Variants in DPP10 observed in about 807,000 individuals in gnomAD.
DPP10 encodes the protein inactive dipeptidyl peptidase 10.
Under a neutral mutation model 120.9 loss-of-function variants are expected in DPP10, and 33 were observed. The observed-to-expected ratio is 0.27, with a 90% CI of 0.21 to 0.37. DPP10 has a LOEUF of 0.37. Among genes scored for constraint, DPP10 ranks in the 10% least tolerant of loss-of-function variants. The probability of loss-of-function intolerance (pLI) is 1.00; values close to 1 mark genes in which losing one functional copy is unlikely to be tolerated. For synonymous variants in DPP10, 337 were observed against 326.1 expected, an observed-to-expected ratio of 1.03 and a Z score of -0.36; for missense variants, 816 against 942.8, an observed-to-expected ratio of 0.87 and a Z score of 1.76.
At chr2:115,840,848 T>G (rs1214546093) in intron 25 of DPP10, 25 bp downstream of exon 25, 1 of 1,597,136 alleles carries the variant, frequency 6.3e-7, no homozygotes, top group Admixed American at 1.7e-5. Flanking sequence ...TAGAAGAACG[T>G]GTTTTCCTGC....
intron 1 of DPP10, among the ~76,000 whole-genome samples, chr2:114,537,841 A>T (rs1686635851): frequency 6.6e-6 from 1 of 152,214 alleles, no homozygotes. Context: ...TTTCTGTCAC[A>T]TAAATGGATT....
intron 5 of DPP10, among the ~76,000 whole-genome samples, chr2:115,550,498 G>A (rs2079808292): frequency 6.6e-6 from 1 of 152,224 alleles, no homozygotes; most frequent in South Asian, 2.1e-4. Context: ...AACAGATGAA[G>A]TCTCCAGTGC....
chr2:115,034,189 C>T (rs1350440092), intron 1 of DPP10, among the ~76,000 whole-genome samples: 2 of 152,042 alleles, frequency 1.3e-5, no homozygotes, highest in South Asian at 2.1e-4. Context: ...GCCACTGCTC[C>T]CGGCCTGGCC....
chr2:115,485,610 C>T (rs1389274994), intron 3 of DPP10, among the ~76,000 whole-genome samples: 1 of 151,944 alleles, frequency 6.6e-6, no homozygotes, highest in Non-Finnish European at 1.5e-5. Context: ...TAATTATATA[C>T]TTGGATTACA....
chr2:115,601,816 G>T (rs1472830501), intron 5 of DPP10, among the ~76,000 whole-genome samples: 1 of 151,226 alleles, frequency 6.6e-6, no homozygotes, highest in African/African-American at 2.4e-5. Flanking sequence ...TGGTATTGCA[G>T]GTACGCACAA....
chr2:115,412,717 T>G (rs2069052202), intron 3 of DPP10, among the ~76,000 whole-genome samples: 1 of 152,216 alleles, frequency 6.6e-6, no homozygotes, highest in South Asian at 2.1e-4. Context: ...TCATCCTTGT[T>G]TACTTAATGT....
chr2:114,477,859 A>ATATGTGTACATATATG (rs1680585722), intron 1 of DPP10, among the ~76,000 whole-genome samples: 1 of 74,586 alleles, frequency 1.3e-5, no homozygotes, highest in Non-Finnish European at 3.8e-5. Flanking sequence ...GTATAAATAT[A>ATATGTGTACATATATG]TGTATATATG....
At chr2:115,705,906 G>T (rs2149549956) in intron 7 of DPP10, among the ~76,000 whole-genome samples, 1 of 151,738 alleles carries the variant, frequency 6.6e-6, no homozygotes, top group Non-Finnish European at 1.5e-5. Context: ...TCAATACCAA[G>T]CAGCTCATAT....
intron 21 of DPP10, among the ~76,000 whole-genome samples, chr2:115,823,779 T>G (rs534595481): frequency 6.6e-6 from 1 of 152,338 alleles, no homozygotes; most frequent in South Asian, 2.1e-4. Context: ...GAAAAGAAAC[T>G]GCCATAAATA....
chr2:115,569,868 A>G (rs1238210833), intron 5 of DPP10, among the ~76,000 whole-genome samples: 1 of 152,226 alleles, frequency 6.6e-6, no homozygotes, highest in African/African-American at 2.4e-5. Flanking sequence ...TGTGAACTAA[A>G]ACTAATTTGA....
At chr2:115,204,763 A>C in intron 1 of DPP10, among the ~76,000 whole-genome samples, 1 of 152,158 alleles carries the variant, frequency 6.6e-6, no homozygotes, top group East Asian at 1.9e-4. Flanking sequence ...TGAATACATG[A>C]GTGAGAAGAC....
At chr2:115,270,107 CACACACAGACACACACACAA>C (rs1194097724) in intron 1 of DPP10, among the ~76,000 whole-genome samples, 146 of 144,352 alleles carry the variant, frequency 1.0e-3, no homozygotes, top group Middle Eastern at 7.1e-3. Flanking sequence ...CACACACACA[CACACACAGACACACACACAA>C]ACACTTATTT....
intron 1 of DPP10, among the ~76,000 whole-genome samples, chr2:115,001,849 G>A (rs1701463053): frequency 1.3e-5 from 2 of 152,014 alleles, no homozygotes; most frequent in Non-Finnish European, 2.9e-5. Context: ...TCTACAACAA[G>A]AATTACAAAA....
At chr2:115,462,512 G>GAGGACA (rs1193629337) in intron 3 of DPP10, among the ~76,000 whole-genome samples, 1 of 152,032 alleles carries the variant, frequency 6.6e-6, no homozygotes, top group Non-Finnish European at 1.5e-5. Context: ...GTATGACATG[G>GAGGACA]AGGACAAGGT....
chr2:115,695,285 A>G (rs536518057), intron 7 of DPP10, among the ~76,000 whole-genome samples: 5 of 152,344 alleles, frequency 3.3e-5, no homozygotes, highest in Admixed American at 3.3e-4. Flanking sequence ...AAGAACCAAC[A>G]TAACAAAACA....
intron 1 of DPP10, among the ~76,000 whole-genome samples, chr2:115,195,079 G>T (rs2055166515): frequency 1.3e-5 from 2 of 152,134 alleles, no homozygotes. Context: ...ATCACTGACT[G>T]GACAAACTTA....
intron 5 of DPP10, among the ~76,000 whole-genome samples, chr2:115,658,885 A>G (rs2088645148): frequency 1.3e-5 from 2 of 152,218 alleles, no homozygotes; most frequent in East Asian, 3.9e-4. Context: ...AATAAACTAT[A>G]TCAATTCAAG....
intron 1 of DPP10, among the ~76,000 whole-genome samples, chr2:115,172,100 TG>T (rs2053392509): frequency 6.6e-6 from 1 of 152,194 alleles, no homozygotes; most frequent in Non-Finnish European, 1.5e-5. Context: ...TAGTAGCAAT[TG>T]GGTGAATCCC....
At chr2:114,592,159 CT>C (rs1173833386) in intron 1 of DPP10, among the ~76,000 whole-genome samples, 6 of 152,124 alleles carry the variant, frequency 3.9e-5, no homozygotes, top group African/African-American at 1.2e-4. Flanking sequence ...TCTTTGCTTT[CT>C]TTCTACAAGA....
Sources: gnomAD v4.1 joint callset for allele counts (sites outside exome capture counted in the v4.1 genomes callset) on GRCh38, gnomAD v4.1.1 for gene constraint, MANE v1.5 for transcripts, NCBI Gene and HGNC (gene_info 2026-07-23, HGNC 2026-07-21) for gene names.